The following IL1RAPL1 variants were observed in gnomAD, a reference collection of about 807,000 sequenced individuals.
IL1RAPL1 encodes interleukin-1 receptor accessory protein-like 1.
A neutral mutation model predicts 48.4 loss-of-function variants in IL1RAPL1; 3 were observed. The observed-to-expected ratio is 0.06, with a 90% CI of 0.03 to 0.16. IL1RAPL1 has a LOEUF of 0.16. Ranked by LOEUF, IL1RAPL1 falls within the 10% of genes least tolerant of loss-of-function variation. The pLI, the probability that IL1RAPL1 is intolerant of heterozygous loss-of-function variation, is 1.00. For missense variants in IL1RAPL1, 349 were observed against 530.6 expected (o/e 0.66, Z 3.36); for synonymous variants, 185 against 187.7 (o/e 0.99, Z 0.12).
intron 5 of IL1RAPL1, among the ~76,000 whole-genome samples, chrX:29,438,113 C>A (rs1934502375): frequency 9.0e-6 from 1 of 110,814 alleles, no homozygotes; most frequent in Non-Finnish European, 1.9e-5. Flanking sequence ...TGTCACAGTT[C>A]ATGATTTTGG....
chrX:28,893,451 G>T (rs1759159513), intron 2 of IL1RAPL1, among the ~76,000 whole-genome samples: 1 of 111,646 alleles, frequency 9.0e-6, no homozygotes, highest in Non-Finnish European at 1.9e-5. Context: ...AATTATGTCT[G>T]CCAGAAAGGA....
chrX:29,404,799 A>G (rs916366113), intron 5 of IL1RAPL1, among the ~76,000 whole-genome samples: 2 of 112,196 alleles, frequency 1.8e-5, no homozygotes, highest in South Asian at 7.4e-4. Context: ...ATTTCTTGCA[A>G]TGAAGGTCCA....
chrX:29,192,461 T>C (rs1314226745), intron 2 of IL1RAPL1, among the ~76,000 whole-genome samples: 1 of 111,675 alleles, frequency 9.0e-6, no homozygotes, highest in East Asian at 2.8e-4. Flanking sequence ...ATTTGAACTC[T>C]TAACTGTTTA....
intron 2 of IL1RAPL1, among the ~76,000 whole-genome samples, chrX:29,114,861 C>A (rs1474559221): frequency 9.0e-6 from 1 of 110,829 alleles, no homozygotes; most frequent in Non-Finnish European, 1.9e-5. Flanking sequence ...AACTCCTGAC[C>A]TTGTGATTCG....
intron 2 of IL1RAPL1, among the ~76,000 whole-genome samples, chrX:29,212,317 T>G (rs1252762086): frequency 3.7e-5 from 4 of 109,530 alleles, no homozygotes; most frequent in Non-Finnish European, 7.6e-5. Context: ...GTCCCCCCAA[T>G]TTTTTTTTCA....
intron 2 of IL1RAPL1, among the ~76,000 whole-genome samples, chrX:28,839,453 C>A (rs1470219406): frequency 9.1e-6 from 1 of 110,307 alleles, no homozygotes; most frequent in African/African-American, 3.3e-5. Flanking sequence ...GACTATAAAG[C>A]ATCATTTGTT....
At chrX:29,274,154 T>C (rs755321704) in intron 2 of IL1RAPL1, among the ~76,000 whole-genome samples, 1 of 111,593 alleles carries the variant, frequency 9.0e-6, no homozygotes, top group South Asian at 3.7e-4. Flanking sequence ...TATTATTATA[T>C]GTATGACAAA....
Position 29,306,460 on chromosome X carries a change from C to A in IL1RAPL1, c.362+23243C>A, listed in dbSNP as rs187479766. 6.7e-5 allele frequency among the ~76,000 whole-genome samples: 6 copies of A among 89,661 alleles called. 1 individual carries two copies. In the Admixed American group the frequency reaches 7.4e-4, roughly 11 times the overall value. 77.9% of individuals were successfully genotyped at this position (89,661 alleles called of 115,157 possible). ...AGGAGAATGGCTTGAATCTGGGAGG[C>A]AGAGGTTGCAGCAAGCCAAGATCGT... On this transcript the variant is annotated intron_variant, in intron 3 of 10. Transcript: ENST00000378993.
chrX:29,877,676 C>T (rs1218893497), intron 6 of IL1RAPL1, among the ~76,000 whole-genome samples: 1 of 111,642 alleles, frequency 9.0e-6, no homozygotes, highest in African/African-American at 3.3e-5. Flanking sequence ...GAACATGATC[C>T]ATTAACCGAT....
intron 5 of IL1RAPL1, among the ~76,000 whole-genome samples, chrX:29,495,939 G>A (rs769430700): frequency 6.4e-5 from 7 of 109,731 alleles, no homozygotes; most frequent in Non-Finnish European, 1.3e-4. Flanking sequence ...TTAATTCCAG[G>A]CCTATTCTCT....
At chrX:29,659,654 T>C (rs1330109256) in intron 5 of IL1RAPL1, among the ~76,000 whole-genome samples, 1 of 111,946 alleles carries the variant, frequency 8.9e-6, no homozygotes, top group Admixed American at 9.5e-5. Flanking sequence ...AACGGAGTTT[T>C]GCTCTTGTTG....
chrX:29,835,877 C>CT (rs763080058), intron 6 of IL1RAPL1, among the ~76,000 whole-genome samples: 982 of 50,437 alleles, frequency 0.019, 26 homozygotes, highest in African/African-American at 0.069. Flanking sequence ...TTTGAGTCTT[C>CT]TTTTTTTTTT....
intron 1 of IL1RAPL1, among the ~76,000 whole-genome samples, chrX:28,688,108 A>C (rs948702124): frequency 1.8e-5 from 2 of 108,684 alleles, no homozygotes; most frequent in East Asian, 2.9e-4. Context: ...TGTCTCAAAA[A>C]AAAAAAAAAA....
chrX:29,236,167 C>T (rs142393138), intron 2 of IL1RAPL1, among the ~76,000 whole-genome samples: 1,178 of 112,304 alleles, frequency 0.01, 19 homozygotes, highest in African/African-American at 0.037. Flanking sequence ...ACTAATACTT[C>T]GTGGAAAAGT....
chrX:29,557,236 G>C (rs1233000938), intron 5 of IL1RAPL1, among the ~76,000 whole-genome samples: 2 of 111,564 alleles, frequency 1.8e-5, no homozygotes, highest in Admixed American at 1.9e-4. Context: ...CCAATGAATG[G>C]TCTTAGGCGG....
chrX:29,388,901 G>C (rs778987280), intron 3 of IL1RAPL1, among the ~76,000 whole-genome samples: 1 of 111,799 alleles, frequency 8.9e-6, no homozygotes, highest in Non-Finnish European at 1.9e-5. Context: ...CTTTAAAATA[G>C]TTAATGGTTC....
At chrX:28,697,606 A>T (rs974772912) in intron 1 of IL1RAPL1, among the ~76,000 whole-genome samples, 2 of 111,734 alleles carry the variant, frequency 1.8e-5, no homozygotes, top group African/African-American at 6.5e-5. Context: ...GATTTAAAGC[A>T]TAATTTATCA....
At chrX:28,757,597 C>T (rs975959738) in intron 1 of IL1RAPL1, among the ~76,000 whole-genome samples, 3 of 111,301 alleles carry the variant, frequency 2.7e-5, no homozygotes, top group Admixed American at 9.6e-5. Context: ...GGTGGTGCAC[C>T]GCAGCAGGAC....
chrX:29,484,279 A>T (rs994533465), intron 5 of IL1RAPL1, among the ~76,000 whole-genome samples: 2 of 111,631 alleles, frequency 1.8e-5, no homozygotes, highest in African/African-American at 6.5e-5. Context: ...TTGCTATGTG[A>T]TAATATGTCG....
Sources: allele counts gnomAD v4.1 joint callset (sites outside exome capture counted in the v4.1 genomes callset), GRCh38; gene constraint gnomAD v4.1.1; transcripts MANE v1.5; gene names NCBI Gene and HGNC (gene_info 2026-07-23, HGNC 2026-07-21).